Variants in TACR1 observed in about 807,000 individuals in gnomAD.
The protein encoded by TACR1 is substance-P receptor.
TACR1 carries 25 observed loss-of-function variants against 35.8 expected under a neutral mutation model. The ratio of observed to expected loss-of-function variants is 0.70; its 90% CI spans 0.51 to 0.98. TACR1 has a LOEUF of 0.98. Among genes scored for constraint, TACR1 ranks in the 50% least tolerant of loss-of-function variants. The probability of loss-of-function intolerance (pLI) is 0.00; values close to 1 mark genes in which losing one functional copy is unlikely to be tolerated. For missense variants in TACR1, 478 were observed against 522.9 expected (o/e 0.91, Z 0.84); for synonymous variants, 195 against 206.7 (o/e 0.94, Z 0.48).
At chr2:75,169,188 AATTAC>A (rs1459679535) in intron 1 of TACR1, among the ~76,000 whole-genome samples, 1 of 152,172 alleles carries the variant, frequency 6.6e-6, no homozygotes, top group African/African-American at 2.4e-5. Flanking sequence ...GTTTCAATTT[AATTAC>A]ATATAACAAC....
chr2:75,094,859 A>ATATATTT, intron 2 of TACR1, among the ~76,000 whole-genome samples: 2 of 113,128 alleles, frequency 1.8e-5, no homozygotes, highest in African/African-American at 4.8e-5. Flanking sequence ...ATATATATAT[A>ATATATTT]TTTTTTTTTT....
chr2:75,153,331 C>T (rs1674716417), intron 1 of TACR1, among the ~76,000 whole-genome samples: 1 of 152,234 alleles, frequency 6.6e-6, no homozygotes, highest in Non-Finnish European at 1.5e-5. Context: ...GAAATCTTTT[C>T]TGAAGGCATC....
At chr2:75,161,981 A>G (rs1675020302) in intron 1 of TACR1, among the ~76,000 whole-genome samples, 1 of 147,174 alleles carries the variant, frequency 6.8e-6, no homozygotes, top group African/African-American at 2.5e-5. Context: ...AGGGAATATT[A>G]GATGAATTTG....
chr2:75,147,399 T>C (rs1674535393), intron 1 of TACR1, among the ~76,000 whole-genome samples: 1 of 152,196 alleles, frequency 6.6e-6, no homozygotes, highest in Admixed American at 6.5e-5. Flanking sequence ...TCCATCCCTA[T>C]AAAGTGTATT....
intron 1 of TACR1, among the ~76,000 whole-genome samples, chr2:75,131,940 G>A (rs1674186163): frequency 6.6e-6 from 1 of 152,114 alleles, no homozygotes; most frequent in Admixed American, 6.5e-5. Context: ...AACTTCTGAA[G>A]CTTTTGGCAA....
intron 1 of TACR1, among the ~76,000 whole-genome samples, chr2:75,142,010 A>C (rs1674417130): frequency 1.3e-5 from 2 of 152,210 alleles, no homozygotes; most frequent in South Asian, 4.1e-4. Flanking sequence ...TTGATCTTTC[A>C]TGTATACTAT....
Position 75,120,563 on chromosome 2 carries a change from T to A in TACR1, c.584+11A>T. On this transcript the variant is annotated intron_variant, in intron 2 of 4. Coordinates refer to ENST00000305249, the MANE Select transcript of TACR1 (RefSeq NM_001058.4). Reference sequence around the variant, plus strand: ...ATCGTTTCTTTGGCATGGGGAGTCATCTCTACTCACACTTTCTCATAAATC... The same window carrying A: ...ATCGTTTCTTTGGCATGGGGAGTCAACTCTACTCACACTTTCTCATAAATC... 6.3e-7 allele frequency: 1 copy of A among 1,587,204 alleles called. No individual in the cohort carries two copies. Among genetic ancestry groups the A allele is most frequent in the Middle Eastern group, 1.7e-4 (1 of 5,888 alleles).
At chr2:75,068,698 C>A (rs1386838753) in intron 2 of TACR1, among the ~76,000 whole-genome samples, 1 of 152,136 alleles carries the variant, frequency 6.6e-6, no homozygotes, top group Non-Finnish European at 1.5e-5. Context: ...TTGCAGAGTG[C>A]TTACAGACTT....
At chr2:75,142,775 G>A (rs998740037) in intron 1 of TACR1, among the ~76,000 whole-genome samples, 2 of 152,076 alleles carry the variant, frequency 1.3e-5, no homozygotes, top group African/African-American at 2.4e-5. Context: ...ACTCAAATTC[G>A]GCTGATTCTC....
intron 1 of TACR1, among the ~76,000 whole-genome samples, chr2:75,132,181 T>C (rs564911620): frequency 2.0e-5 from 3 of 152,206 alleles, no homozygotes; most frequent in Admixed American, 6.5e-5. Context: ...AAATAAAGTA[T>C]AAAATTGAGA....
intron 2 of TACR1, among the ~76,000 whole-genome samples, chr2:75,065,666 A>G (rs138768936): frequency 3.9e-5 from 6 of 152,272 alleles, no homozygotes; most frequent in Admixed American, 2.0e-4. Context: ...GCAGAAGTGA[A>G]GCTTGTACTT....
intron 1 of TACR1, among the ~76,000 whole-genome samples, chr2:75,136,760 T>C (rs772560855): frequency 1.5e-4 from 23 of 152,204 alleles, no homozygotes; most frequent in Admixed American, 3.3e-4. Flanking sequence ...GTAATTGTTA[T>C]GTGAGGCATT....
chr2:75,113,279 C>T (rs567965400), intron 2 of TACR1, among the ~76,000 whole-genome samples: 12 of 152,136 alleles, frequency 7.9e-5, no homozygotes, highest in African/African-American at 1.4e-4. Flanking sequence ...CAGCTGCCTC[C>T]GGAAGTTGAT....
At chr2:75,110,774 AT>A (rs1470730599) in intron 2 of TACR1, among the ~76,000 whole-genome samples, 7 of 151,796 alleles carry the variant, frequency 4.6e-5, no homozygotes, top group African/African-American at 1.7e-4. Context: ...TTTGTTTCTA[AT>A]TTTACAGCTC....
chr2:75,096,815 C>CCT lies in TACR1; in HGVS notation c.584+23757_584+23758dup, dbSNP rs943670932. ...ATAGGTATCTCAACTTCTCTCTTTA[C>CCT]CTCTGCACATCCACTCATTCTTCTC... On this transcript the variant is annotated intron_variant, in intron 2 of 4. Transcript: ENST00000305249. Among the ~76,000 whole-genome samples, 3 of 152,172 alleles carry CCT rather than the reference C, an allele frequency of 2.0e-5. No individual in the cohort carries two copies. The East Asian group carries it at 5.8e-4, about 29-fold the overall frequency.
At chr2:75,193,891 C>T (rs895979506) in intron 1 of TACR1, among the ~76,000 whole-genome samples, 1 of 152,120 alleles carries the variant, frequency 6.6e-6, no homozygotes, top group African/African-American at 2.4e-5. Flanking sequence ...AGGGAATAAA[C>T]AAGGCTGTGA....
intron 1 of TACR1, among the ~76,000 whole-genome samples, chr2:75,162,929 A>G (rs559845717): frequency 2.0e-5 from 3 of 152,192 alleles, no homozygotes; most frequent in Non-Finnish European, 4.4e-5. Context: ...GGCCTACCTC[A>G]TATTTTCCCT....
intron 1 of TACR1, among the ~76,000 whole-genome samples, chr2:75,123,886 T>C (rs939564309): frequency 1.3e-5 from 2 of 152,256 alleles, no homozygotes; most frequent in African/African-American, 4.8e-5. Context: ...CATACATTTA[T>C]ATATTTATCT....
intron 1 of TACR1, among the ~76,000 whole-genome samples, chr2:75,146,431 C>G (rs535810494): frequency 1.3e-4 from 20 of 152,296 alleles, no homozygotes; most frequent in African/African-American, 4.6e-4. Context: ...CCAGCAGCAT[C>G]TTAGAAACCA....
Sources: gnomAD v4.1 joint callset for allele counts (sites outside exome capture counted in the v4.1 genomes callset) on GRCh38, gnomAD v4.1.1 for gene constraint, MANE v1.5 for transcripts, NCBI Gene and HGNC (gene_info 2026-07-23, HGNC 2026-07-21) for gene names.